Variants in USP54 observed in about 807,000 individuals in gnomAD.
USP54 encodes ubiquitin carboxyl-terminal hydrolase 54.
In USP54, 87 loss-of-function variants were observed where a neutral mutation model predicts 170.5. That is an observed-to-expected ratio of 0.51 (90% CI 0.43 to 0.61). USP54 has a LOEUF of 0.61. Among genes scored for constraint, USP54 ranks in the 20% least tolerant of loss-of-function variants. USP54 has a pLI of 0.00. For synonymous variants in USP54, 655 were observed against 742.8 expected, an observed-to-expected ratio of 0.88 and a Z score of 1.92; for missense variants, 1,786 against 2,047.8, an observed-to-expected ratio of 0.87 and a Z score of 2.47.
chr10:73,561,385 G>A (rs1055352500), intron 4 of USP54, among the ~76,000 whole-genome samples: 1 of 152,132 alleles, frequency 6.6e-6, no homozygotes, highest in Admixed American at 6.6e-5. Flanking sequence ...AGCAGCTTGG[G>A]AGGCCAAGGC....
chr10:73,534,449 T>C, intron 12 of USP54, 151 bp downstream of exon 12: 1 of 691,354 alleles, frequency 1.4e-6, no homozygotes, highest in Non-Finnish European at 2.3e-6. Context: ...CCTTACCTCA[T>C]GATCCACCCA....
chr10:73,620,299 C>T (rs1340974926), intron 1 of USP54, among the ~76,000 whole-genome samples: 2 of 143,970 alleles, frequency 1.4e-5, no homozygotes, highest in Non-Finnish European at 1.5e-5. Context: ...GGCGACAGAG[C>T]GAGACTCCAT....
intron 1 of USP54, among the ~76,000 whole-genome samples, chr10:73,584,156 G>A (rs1472042296): frequency 1.3e-5 from 2 of 152,176 alleles, no homozygotes; most frequent in Non-Finnish European, 2.9e-5. Flanking sequence ...TTGGGAGGCC[G>A]AGGCGGACAG....
chr10:73,517,357 T>C lies in USP54; in HGVS notation c.3069A>G (p.Glu1023=). Residue 1023 remains glutamate, a synonymous_variant, in exon 20 of 24, where the codon GAA becomes GAG. Transcript: ENST00000687698. The part of the protein sequence containing the change: ...PPQEGRGIAQ[E]QLFQEKKDPA... ...GATCCTTCTTTTCTTGGAACAGCTG[T>C]TCTTGAGCAATGCCTCTTCCTTCTT... is the stretch of plus-strand genomic sequence containing the variant. The C allele has an allele frequency of 3.7e-6, 6 of 1,613,080 alleles. No individual in the cohort carries two copies. Among genetic ancestry groups the C allele is most frequent in the Non-Finnish European group, 5.1e-6 (6 of 1,179,468 alleles).
intron 1 of USP54, chr10:73,614,169 T>C (rs2080411313): frequency 6.7e-6 from 1 of 150,250 alleles, no homozygotes; most frequent in South Asian, 2.1e-4. Context: ...ACCACTGCAC[T>C]CCAGCCTGGG....
intron 1 of USP54, among the ~76,000 whole-genome samples, chr10:73,612,419 T>C (rs2080222636): frequency 6.6e-6 from 1 of 152,344 alleles, no homozygotes; most frequent in East Asian, 1.9e-4. Context: ...CATCCTAGAA[T>C]TTTCCTCATG....
intron 16 of USP54, among the ~76,000 whole-genome samples, chr10:73,525,257 C>T (rs1201001248): frequency 2.0e-5 from 3 of 152,178 alleles, no homozygotes; most frequent in Non-Finnish European, 2.9e-5. Context: ...TATTGAATTA[C>T]TGGACTTGAT....
intron 4 of USP54, among the ~76,000 whole-genome samples, chr10:73,562,410 C>A (rs1285584549): frequency 6.6e-6 from 1 of 152,210 alleles, no homozygotes; most frequent in African/African-American, 2.4e-5. Flanking sequence ...CCACCTTCTA[C>A]AGAACACAAC....
chr10:73,508,139 G>A (rs1200116717), intron 20 of USP54, among the ~76,000 whole-genome samples: 1 of 151,844 alleles, frequency 6.6e-6, no homozygotes, highest in African/African-American at 2.4e-5. Flanking sequence ...AGGGTGCGAT[G>A]GCTCATGCCT....
chr10:73,597,508 T>C (rs940157231), intron 1 of USP54, among the ~76,000 whole-genome samples: 1 of 152,074 alleles, frequency 6.6e-6, no homozygotes, highest in Non-Finnish European at 1.5e-5. Flanking sequence ...ACTGACTCAG[T>C]GTAAAAGGAC....
Position 73,545,550 on chromosome 10 carries a change from A to G in USP54, c.363T>C (p.Ala121=). The G allele has an allele frequency of 6.2e-7, 1 of 1,614,180 alleles. No homozygotes were observed. Among genetic ancestry groups the G allele is most frequent in the Non-Finnish European group, 8.5e-7 (1 of 1,179,982 alleles). The stretch of plus-strand genomic sequence containing the variant: ...GGCCAGCACTTACAAAGCACTCTGC[A>G]GCATCATCCATAATTCCCAGCTGGA... ...QRFQLGIMDD[A]AECFENLLMR... The change falls in exon 5 of 24, where the codon GCT becomes GCC. Residue 121 remains alanine (A), a synonymous_variant. Coordinates refer to ENST00000687698, the MANE Select transcript of USP54 (RefSeq NM_001391956.1).
At chr10:73,514,147 G>A (rs949517558) in intron 20 of USP54, among the ~76,000 whole-genome samples, 10 of 152,016 alleles carry the variant, frequency 6.6e-5, no homozygotes, top group African/African-American at 9.7e-5. Context: ...TAGTAGAGAC[G>A]GGGTTTCATC....
intron 12 of USP54, 55 bp downstream of exon 12, chr10:73,534,545 G>C: frequency 1.9e-6 from 3 of 1,567,650 alleles, no homozygotes; most frequent in Non-Finnish European, 2.6e-6. Context: ...TTTTTCTTAG[G>C]AGATCTATGC....
At chr10:73,588,776 G>C (rs538088856) in intron 1 of USP54, among the ~76,000 whole-genome samples, 2 of 152,256 alleles carry the variant, frequency 1.3e-5, no homozygotes, top group East Asian at 3.9e-4. Flanking sequence ...AAAAAGATTT[G>C]TTCTGTGCAC....
At chr10:73,575,284 T>C (rs1234859335) in intron 3 of USP54, among the ~76,000 whole-genome samples, 1 of 152,242 alleles carries the variant, frequency 6.6e-6, no homozygotes, top group East Asian at 1.9e-4. Context: ...GTTACAGTTA[T>C]TATTATTTCT....
intron 4 of USP54, among the ~76,000 whole-genome samples, chr10:73,558,601 A>C (rs2071862319): frequency 6.6e-6 from 1 of 152,200 alleles, no homozygotes; most frequent in Non-Finnish European, 1.5e-5. Context: ...GACTAAGGGA[A>C]AGTTGGCCAG....
chr10:73,504,987 T>G lies in USP54; in HGVS notation c.4174A>C (p.Thr1392Pro), dbSNP rs373188395. 1.9e-6 allele frequency: 3 copies of G among 1,614,062 alleles called. No individual in the cohort carries two copies. The highest frequency in any genetic ancestry group is 2.5e-6 in the Non-Finnish European group (3 of 1,180,010). The change falls in exon 22 of 24, where the codon ACA becomes CCA. Residue 1392 changes from threonine to proline, a missense_variant. Thr to Pro is a conservative substitution (Grantham distance 38). Transcript: ENST00000687698. Reference sequence around the variant, plus strand: ...TCCCTGCTGAGGCCTCGGCAAGGTGTAGCCTTCAAACACACAGACACATAC... The same window carrying G: ...TCCCTGCTGAGGCCTCGGCAAGGTGGAGCCTTCAAACACACAGACACATAC... Reference protein sequence around the residue: ...EARTVRTSQATPCRGLSRECG... With the variant: ...EARTVRTSQAPPCRGLSRECG...
Position 73,548,734 on chromosome 10 carries a change from TG to T in USP54, c.241-3063del, listed in dbSNP as rs1272833542. ...TCATACACCGGGGCCTGTCGGGAGG[TG>T]GGGGGCTGAGGGAGGGATAGCATTA... On this transcript the variant is annotated intron_variant, in intron 4 of 23. Coordinates refer to ENST00000687698, the MANE Select transcript of USP54 (RefSeq NM_001391956.1). Among the ~76,000 whole-genome samples, 5 of 151,418 alleles carry T rather than the reference TG, an allele frequency of 3.3e-5. No individual in the cohort carries two copies. The South Asian group carries it at 1.0e-3, about 32-fold the overall frequency.
Position 73,617,892 on chromosome 10 carries a change from G to A in USP54, c.-18+7675C>T, listed in dbSNP as rs532587775. 8.7e-4 allele frequency among the ~76,000 whole-genome samples: 130 copies of A among 150,030 alleles called. 8 individuals are homozygous for A. Among genetic ancestry groups the A allele is most frequent in the African/African-American group, 3.0e-3 (120 of 39,524 alleles). On this transcript the variant is annotated intron_variant, in intron 1 of 22. Transcript: ENST00000339859. ...ACTGCACTCCAGCCTAGGCAACAAA[G>A]ACCCTGTCTTAAGAAATAAAAATAA...
Sources: gnomAD v4.1 joint callset for allele counts (sites outside exome capture counted in the v4.1 genomes callset) on GRCh38, gnomAD v4.1.1 for gene constraint, MANE v1.5 for transcripts, NCBI Gene and HGNC (gene_info 2026-07-23, HGNC 2026-07-21) for gene names.